PRMT8: variants seen among roughly 807,000 people sequenced by gnomAD.
PRMT8 encodes the protein protein arginine methyltransferase 8, also known as protein arginine N-methyltransferase 8.
Under a neutral mutation model 47.1 loss-of-function variants are expected in PRMT8, and 7 were observed. That is an observed-to-expected ratio of 0.15 (90% CI 0.08 to 0.28). PRMT8 has a LOEUF of 0.28. Among genes scored for constraint, PRMT8 ranks in the 10% least tolerant of loss-of-function variants. The probability of loss-of-function intolerance (pLI) is 1.00; values close to 1 mark genes in which losing one functional copy is unlikely to be tolerated. For synonymous variants in PRMT8, 188 were observed against 186.5 expected (o/e 1.01, Z -0.07); for missense variants, 237 against 505.4 (o/e 0.47, Z 5.09).
intron 2 of PRMT8, among the ~76,000 whole-genome samples, chr12:3,549,232 A>G (rs541833651): frequency 6.8e-4 from 104 of 152,304 alleles, no homozygotes; most frequent in Non-Finnish European, 1.0e-3. Flanking sequence ...CTTTTACTGA[A>G]CCAGAAGCTT....
At chr12:3,517,866 C>T (rs1865820349) in intron 1 of PRMT8, among the ~76,000 whole-genome samples, 1 of 152,172 alleles carries the variant, frequency 6.6e-6, no homozygotes, top group Admixed American at 6.5e-5. Flanking sequence ...TTTGTCTGGC[C>T]TAAAGAGCCT....
intron 7 of PRMT8, among the ~76,000 whole-genome samples, chr12:3,581,789 AG>A (rs1191659797): frequency 6.6e-6 from 1 of 152,166 alleles, no homozygotes; most frequent in African/African-American, 2.4e-5. Context: ...CCCAGATCCT[AG>A]GAGGACTCTG....
intron 1 of PRMT8, among the ~76,000 whole-genome samples, chr12:3,425,609 C>T (rs539571845): frequency 5.3e-5 from 8 of 152,372 alleles, no homozygotes; most frequent in African/African-American, 1.2e-4. Flanking sequence ...ATTTTATTAA[C>T]TGTCACCTAC....
chr12:3,461,477 C>A (rs970125972), intron 1 of PRMT8, among the ~76,000 whole-genome samples: 2 of 152,192 alleles, frequency 1.3e-5, no homozygotes, highest in East Asian at 3.8e-4. Flanking sequence ...GATTTAAGGG[C>A]CAACTGCTCA....
At chr12:3,383,740 G>A (rs749244349) in intron 1 of PRMT8, among the ~76,000 whole-genome samples, 1 of 152,148 alleles carries the variant, frequency 6.6e-6, no homozygotes, top group Non-Finnish European at 1.5e-5. Flanking sequence ...CCCGCTCTAG[G>A]GCATTTTGTT....
intron 1 of PRMT8, among the ~76,000 whole-genome samples, chr12:3,522,392 G>A (rs868515263): frequency 1.3e-5 from 2 of 152,224 alleles, no homozygotes; most frequent in South Asian, 2.1e-4. Context: ...CAGGCCGGGC[G>A]CGGTGGCTCA....
At position 3,459,083 on chromosome 12, in the gene PRMT8, C is replaced by T. The variant is rs73260031; in HGVS notation, c.48+77641C>T. 8.7e-3 allele frequency among the ~76,000 whole-genome samples: 1,328 copies of T among 152,330 alleles called. 16 individuals carry two copies. Among genetic ancestry groups the T allele is most frequent in the African/African-American group, 0.03 (1,258 of 41,568 alleles). On this transcript the variant is annotated intron_variant, in intron 1 of 9. Transcript: ENST00000452611. Reference sequence around the variant, plus strand: ...GATGGTGGGGCAATGGTTCCACCTCCCATTGTTCATCCAGATTCCTTCATC... The same window carrying T: ...GATGGTGGGGCAATGGTTCCACCTCTCATTGTTCATCCAGATTCCTTCATC...
chr12:3,381,451 G>A, intron 1 of PRMT8: 1 of 1,535,952 alleles, frequency 6.5e-7, no homozygotes, highest in Non-Finnish European at 8.7e-7. Flanking sequence ...CTGTAAGTCA[G>A]CTTGTATGGT....
At chr12:3,402,410 G>A (rs1390608987) in intron 1 of PRMT8, among the ~76,000 whole-genome samples, 3 of 152,138 alleles carry the variant, frequency 2.0e-5, no homozygotes, top group Non-Finnish European at 4.4e-5. Flanking sequence ...CAGGACATAG[G>A]CAGGGGCAAA....
chr12:3,563,010 C>T (rs762453363), intron 4 of PRMT8, among the ~76,000 whole-genome samples: 1 of 152,102 alleles, frequency 6.6e-6, no homozygotes, highest in Non-Finnish European at 1.5e-5. Flanking sequence ...TCTTGATAAC[C>T]CCTGCTCCCC....
chr12:3,505,538 TG>T (rs1237909468), intron 1 of PRMT8, among the ~76,000 whole-genome samples: 2 of 152,256 alleles, frequency 1.3e-5, no homozygotes, highest in Non-Finnish European at 2.9e-5. Context: ...ATACATATTA[TG>T]GGTTGGGTGC....
chr12:3,541,629 C>T (rs901794468), intron 2 of PRMT8, among the ~76,000 whole-genome samples: 1 of 152,206 alleles, frequency 6.6e-6, no homozygotes, highest in Non-Finnish European at 1.5e-5. Flanking sequence ...CTGTGCAAAT[C>T]GGTTTTCAAA....
chr12:3,382,684 A>G (rs534118494), intron 1 of PRMT8, among the ~76,000 whole-genome samples: 3 of 152,196 alleles, frequency 2.0e-5, no homozygotes, highest in Non-Finnish European at 4.4e-5. Flanking sequence ...CATCCTTTTA[A>G]CAGGATTTCT....
intron 1 of PRMT8, among the ~76,000 whole-genome samples, chr12:3,478,960 G>A (rs963172450): frequency 6.6e-6 from 1 of 152,228 alleles, no homozygotes; most frequent in African/African-American, 2.4e-5. Context: ...GGCTGTACGT[G>A]CTGCTGTAAG....
chr12:3,482,141 G>A (rs1865280472), intron 1 of PRMT8, among the ~76,000 whole-genome samples: 1 of 152,162 alleles, frequency 6.6e-6, no homozygotes, highest in South Asian at 2.1e-4. Context: ...TCCAGGACTT[G>A]TTTTATGGGC....
At chr12:3,415,788 G>A (rs1037234447) in intron 1 of PRMT8, among the ~76,000 whole-genome samples, 6 of 152,184 alleles carry the variant, frequency 3.9e-5, no homozygotes, top group African/African-American at 7.2e-5. Context: ...ATGCAGACAC[G>A]CAGGCTCAGG....
intron 1 of PRMT8, among the ~76,000 whole-genome samples, chr12:3,479,585 T>A (rs1308037721): frequency 2.6e-5 from 4 of 152,150 alleles, no homozygotes; most frequent in Admixed American, 1.3e-4. Flanking sequence ...AAAAAAATAC[T>A]CCCCTAAAGA....
At chr12:3,413,770 A>G (rs895411440) in intron 1 of PRMT8, among the ~76,000 whole-genome samples, 4 of 150,420 alleles carry the variant, frequency 2.7e-5, no homozygotes, top group African/African-American at 9.8e-5. Flanking sequence ...GGGAAAAAAA[A>G]CCAATAAAAA....
chr12:3,520,162 C>T (rs956399865), intron 1 of PRMT8, among the ~76,000 whole-genome samples: 14 of 152,142 alleles, frequency 9.2e-5, no homozygotes, highest in South Asian at 2.1e-4. Context: ...GGGGACAAAC[C>T]GGAGACCCTT....
Sources: gnomAD v4.1 joint callset for allele counts (sites outside exome capture counted in the v4.1 genomes callset) on GRCh38, gnomAD v4.1.1 for gene constraint, MANE v1.5 for transcripts, NCBI Gene and HGNC (gene_info 2026-07-23, HGNC 2026-07-21) for gene names.